GRIA4: variants seen among roughly 807,000 people sequenced by gnomAD.
GRIA4 encodes glutamate ionotropic receptor AMPA type subunit 4, also known as glutamate receptor 4.
In GRIA4, 34 loss-of-function variants were observed where a neutral mutation model predicts 104.0. The ratio of observed to expected loss-of-function variants is 0.33; its 90% CI spans 0.25 to 0.44. The LOEUF is 0.44. Among genes scored for constraint, GRIA4 ranks in the 20% least tolerant of loss-of-function variants. The pLI, the probability that GRIA4 is intolerant of heterozygous loss-of-function variation, is 1.00. For missense variants in GRIA4, 750 were observed against 1,096.5 expected, an observed-to-expected ratio of 0.68 and a Z score of 4.46; for synonymous variants, 386 against 381.9, an observed-to-expected ratio of 1.01 and a Z score of -0.13.
chr11:105,901,324 T>C (rs1946847572), intron 7 of GRIA4, among the ~76,000 whole-genome samples: 1 of 152,172 alleles, frequency 6.6e-6, no homozygotes, highest in African/African-American at 2.4e-5. Flanking sequence ...TTCATCCCAG[T>C]TCTTTCTTCT....
intron 3 of GRIA4, among the ~76,000 whole-genome samples, chr11:105,666,680 A>T (rs1252651552): frequency 6.6e-6 from 1 of 152,020 alleles, no homozygotes; most frequent in Non-Finnish European, 1.5e-5. Flanking sequence ...TTTATAAAAG[A>T]ATAGCTAAAT....
chr11:105,759,257 C>T (rs548550759), intron 4 of GRIA4, among the ~76,000 whole-genome samples: 9 of 152,148 alleles, frequency 5.9e-5, no homozygotes, highest in East Asian at 3.9e-4. Context: ...TCATGAATCA[C>T]GGTGTTTGGT....
chr11:105,623,053 GTATATA>G (rs58596312), intron 3 of GRIA4, among the ~76,000 whole-genome samples: 1,699 of 127,614 alleles, frequency 0.013, 33 homozygotes, highest in African/African-American at 0.036. Flanking sequence ...GTATTCCATT[GTATATA>G]TATATATATA....
intron 2 of GRIA4, among the ~76,000 whole-genome samples, chr11:105,611,454 A>C (rs1262594782): frequency 6.6e-6 from 1 of 152,070 alleles, no homozygotes; most frequent in Admixed American, 6.6e-5. Context: ...TTGTTTAAAA[A>C]AGAAAAAAAA....
intron 14 of GRIA4, among the ~76,000 whole-genome samples, chr11:105,964,795 T>G (rs928580133): frequency 2.8e-5 from 4 of 145,254 alleles, no homozygotes; most frequent in South Asian, 2.2e-4. Context: ...TTTTTTTTTG[T>G]TTTTTTTTTG....
At chr11:105,902,427 C>G (rs1468736898) in intron 7 of GRIA4, among the ~76,000 whole-genome samples, 1 of 151,678 alleles carries the variant, frequency 6.6e-6, no homozygotes, top group East Asian at 1.9e-4. Context: ...ACCTCCTGGG[C>G]TCAAGCGATC....
At position 105,775,754 on chromosome 11, in the gene GRIA4, A is replaced by C. The variant is rs113659703; in HGVS notation, c.487+22534A>C. Among the ~76,000 whole-genome samples the C allele has an allele frequency of 9.6e-3, 1,457 of 152,188 alleles. 19 individuals are homozygous for C. The highest frequency in any genetic ancestry group is 0.055 in the Middle Eastern group (16 of 292). ...TATATTAAATAGTTAAAAAGGTAAAATATTGTACCCTTGTCAGAAAGTACC... is the reference window on the plus strand; with the variant it reads ...TATATTAAATAGTTAAAAAGGTAAACTATTGTACCCTTGTCAGAAAGTACC... On this transcript the variant is annotated intron_variant, in intron 4 of 16. Transcript: ENST00000282499.
intron 16 of GRIA4, among the ~76,000 whole-genome samples, chr11:105,975,354 ATT>A (rs149315046): frequency 6.7e-6 from 1 of 149,470 alleles, no homozygotes; most frequent in Admixed American, 6.6e-5. Context: ...ATTACAAACT[ATT>A]TTTTTTTTCA....
intron 3 of GRIA4, among the ~76,000 whole-genome samples, chr11:105,726,202 G>A (rs1938195746): frequency 6.6e-6 from 1 of 152,074 alleles, no homozygotes. Flanking sequence ...CGAGCTTGGT[G>A]GGGAGAGGGG....
intron 3 of GRIA4, among the ~76,000 whole-genome samples, chr11:105,711,284 G>A (rs1017099542): frequency 6.6e-6 from 1 of 151,892 alleles, no homozygotes; most frequent in Non-Finnish European, 1.5e-5. Flanking sequence ...TATGAGTCGG[G>A]GGAGAGGGGA....
intron 8 of GRIA4, 43 bp from the exon 9 acceptor site, chr11:105,905,154 G>C (rs372662732): frequency 9.6e-7 from 1 of 1,041,384 alleles, no homozygotes; most frequent in Non-Finnish European, 1.5e-6. Flanking sequence ...ATTCCTATAA[G>C]TGAAATTGCA....
At chr11:105,976,767 T>A (rs887044236) in intron 16 of GRIA4, among the ~76,000 whole-genome samples, 12 of 151,838 alleles carry the variant, frequency 7.9e-5, no homozygotes, top group African/African-American at 2.9e-4. Flanking sequence ...GCCACAACAA[T>A]CCAACAAAAC....
chr11:105,883,261 C>A (rs1946129354), intron 5 of GRIA4, among the ~76,000 whole-genome samples: 1 of 148,760 alleles, frequency 6.7e-6, no homozygotes, highest in Non-Finnish European at 1.5e-5. Flanking sequence ...TATTTTTAGT[C>A]TAGTTGCACC....
At chr11:105,795,544 A>G (rs531877932) in intron 4 of GRIA4, among the ~76,000 whole-genome samples, 41 of 152,234 alleles carry the variant, frequency 2.7e-4, no homozygotes, top group African/African-American at 9.4e-4. Flanking sequence ...TCTTAGGCCA[A>G]GTGAGAAAAG....
intron 3 of GRIA4, among the ~76,000 whole-genome samples, chr11:105,666,590 TTAATA>T (rs937358271): frequency 5.3e-5 from 8 of 151,990 alleles, no homozygotes; most frequent in Non-Finnish European, 1.0e-4. Context: ...ATTTATTGCT[TTAATA>T]TAATTGAATA....
chr11:105,905,488 G>T (rs563965727), intron 9 of GRIA4, among the ~76,000 whole-genome samples, 187 bp downstream of exon 9: 15 of 152,224 alleles, frequency 9.9e-5, no homozygotes, highest in Admixed American at 9.2e-4. Context: ...ATTTAGTAGT[G>T]TGCCCAAGCT....
intron 3 of GRIA4, among the ~76,000 whole-genome samples, chr11:105,630,497 A>G (rs559732609): frequency 6.6e-5 from 10 of 152,258 alleles, no homozygotes; most frequent in Non-Finnish European, 1.0e-4. Context: ...CTGGGAGGCC[A>G]AGGTTGCAGT....
intron 8 of GRIA4, among the ~76,000 whole-genome samples, chr11:105,904,767 C>T (rs538271): frequency 0.17 from 26,025 of 151,962 alleles, 2,376 homozygotes; most frequent in Admixed American, 0.24. Context: ...TGTCCTTATA[C>T]TTTTTGCTTC....
At chr11:105,961,102 G>C (rs979002391) in intron 14 of GRIA4, among the ~76,000 whole-genome samples, 2 of 152,210 alleles carry the variant, frequency 1.3e-5, no homozygotes, top group Non-Finnish European at 1.5e-5. Context: ...TCTATCATCA[G>C]TGAATGAGAA....
Sources: gnomAD v4.1 joint callset for allele counts (sites outside exome capture counted in the v4.1 genomes callset) on GRCh38, gnomAD v4.1.1 for gene constraint, MANE v1.5 for transcripts, NCBI Gene and HGNC (gene_info 2026-07-23, HGNC 2026-07-21) for gene names.